DCAF17: variants seen among roughly 807,000 people sequenced by gnomAD.
DCAF17 encodes DDB1- and CUL4-associated factor 17.
DCAF17 carries 48 observed loss-of-function variants against 66.0 expected under a neutral mutation model. The ratio of observed to expected loss-of-function variants is 0.73; its 90% CI spans 0.58 to 0.92. The LOEUF (loss-of-function observed/expected upper bound fraction) is 0.92. Ranked by LOEUF, DCAF17 falls within the 40% of genes least tolerant of loss-of-function variation. DCAF17 has a pLI of 0.00. For synonymous variants in DCAF17, 206 were observed against 214.6 expected (o/e 0.96, Z 0.35); for missense variants, 562 against 622.8 (o/e 0.90, Z 1.04).
At position 171,434,378 on chromosome 2, in the gene DCAF17, G is replaced by T. The variant is rs1255837479; in HGVS notation, c.-200G>T. The T allele has an allele frequency of 7.9e-6, 7 of 890,630 alleles. No homozygotes were observed. In the Admixed American group the frequency reaches 1.2e-4, roughly 15 times the overall value. 55.2% of individuals were successfully genotyped at this position (890,630 alleles called of 1,614,324 possible). ...GGAGTGCTTCTTCCCTTCTCTCCGC[G>T]CTCTGGCGGTGCAAGCGGCTCTGCT... is the stretch of plus-strand genomic sequence containing the variant. On this transcript the variant is annotated 5_prime_UTR_variant, in exon 1 of 14. Coordinates refer to ENST00000375255, the MANE Select transcript of DCAF17 (RefSeq NM_025000.4).
intron 6 of DCAF17, among the ~76,000 whole-genome samples, chr2:171,453,948 G>A (rs894869771): frequency 6.6e-6 from 1 of 152,082 alleles, no homozygotes; most frequent in South Asian, 2.1e-4. Context: ...CTGCATAATG[G>A]CTAAAGAGTA....
At chr2:171,436,665 A>T in intron 2 of DCAF17, among the ~76,000 whole-genome samples, 2 of 150,342 alleles carry the variant, frequency 1.3e-5, no homozygotes. Context: ...AAATCCTTAC[A>T]TATTTTAGAT....
chr2:171,478,339 TTTGTA>T (rs1464918467), intron 12 of DCAF17, among the ~76,000 whole-genome samples: 1 of 152,200 alleles, frequency 6.6e-6, no homozygotes, highest in African/African-American at 2.4e-5. Context: ...TTTGTTTTAT[TTTGTA>T]TTGTTTTGTT....
At chr2:171,477,949 G>A in intron 11 of DCAF17, 38 bp from the exon 12 acceptor site, 1 of 1,564,884 alleles carries the variant, frequency 6.4e-7, no homozygotes, top group Non-Finnish European at 8.8e-7. Flanking sequence ...GCATGTAATA[G>A]AACTTGTCAT....
intron 8 of DCAF17, among the ~76,000 whole-genome samples, chr2:171,459,294 A>G (rs1695443168): frequency 6.6e-6 from 1 of 152,170 alleles, no homozygotes; most frequent in African/African-American, 2.4e-5. Context: ...CCTGGGCAAC[A>G]AGAGCGAAAC....
intron 8 of DCAF17, among the ~76,000 whole-genome samples, chr2:171,466,576 C>T (rs1488123371): frequency 7.7e-6 from 1 of 130,566 alleles, no homozygotes; most frequent in African/African-American, 3.0e-5. Flanking sequence ...AATTTTTAGG[C>T]CTTTTTCATT....
At chr2:171,458,213 G>A in intron 7 of DCAF17, 138 bp downstream of exon 7, 1 of 1,038,158 alleles carries the variant, frequency 9.6e-7, no homozygotes, top group Non-Finnish European at 1.5e-6. Flanking sequence ...AAATGTAGAA[G>A]ACAAGTAACC....
chr2:171,480,497 A>G (rs1696692664), intron 13 of DCAF17, among the ~76,000 whole-genome samples: 1 of 152,192 alleles, frequency 6.6e-6, no homozygotes. Context: ...ATTTTTTAAA[A>G]TAAGAGAATA....
intron 1 of DCAF17, 175 bp from the exon 2 acceptor site, chr2:171,434,908 A>G: frequency 9.7e-7 from 1 of 1,032,166 alleles, no homozygotes; most frequent in South Asian, 1.7e-5. Context: ...TCTTACCTGG[A>G]AACAATTATT....
Position 171,484,844 on chromosome 2 carries a change from A to C in DCAF17, c.*3730A>C, listed in dbSNP as rs1332256313. The C allele has an allele frequency of 4.4e-6, 2 of 453,944 alleles. No homozygotes were observed. Among genetic ancestry groups the C allele is most frequent in the Admixed American group, 2.3e-5 (1 of 42,554 alleles). 28.1% of individuals were successfully genotyped at this position (453,944 alleles called of 1,614,324 possible). On this transcript the variant is annotated 3_prime_UTR_variant, in exon 14 of 14. Coordinates refer to ENST00000375255, the MANE Select transcript of DCAF17 (RefSeq NM_025000.4). Reference sequence around the variant, plus strand: ...ACTTCATATGAGTGAAATTATACAAAATGTAATGCTTCTTTCACTTAGCAT... The same window carrying C: ...ACTTCATATGAGTGAAATTATACAACATGTAATGCTTCTTTCACTTAGCAT...
rs114097492 is a variant in DCAF17 at position 171,447,322 on chromosome 2, A to C, written c.322-1359A>C. 1,471 of 292,386 alleles carry C rather than the reference A, an allele frequency of 5.0e-3. 24 individuals are homozygous for C. The highest frequency in any genetic ancestry group is 0.032 in the African/African-American group (1,362 of 42,852). The allele number at this position is 292,386 out of a possible 1,614,324, so 18.1% of individuals were successfully genotyped here. ...TTCTTTTCTATTCACTTTTTGGCCT[A>C]AGCAGATACTAGATTAATTTCAGCC... On this transcript the variant is annotated intron_variant, in intron 3 of 13. Transcript: ENST00000375255.
At chr2:171,449,421 A>T (rs1315519961) in intron 4 of DCAF17, among the ~76,000 whole-genome samples, 2 of 152,206 alleles carry the variant, frequency 1.3e-5, no homozygotes, top group Non-Finnish European at 2.9e-5. Flanking sequence ...GATGCTCTTT[A>T]TGGTAGATTT....
At chr2:171,438,047 G>C (rs1694070342) in intron 2 of DCAF17, among the ~76,000 whole-genome samples, 1 of 152,176 alleles carries the variant, frequency 6.6e-6, no homozygotes. Flanking sequence ...CACAAATGTT[G>C]ATACGTTGTA....
rs567899805 is a variant in DCAF17 at position 171,473,789 on chromosome 2, C to T, written c.982-77C>T. The T allele has an allele frequency of 1.2e-5, 14 of 1,164,820 alleles. 2 individuals are homozygous for T. In the South Asian group the frequency reaches 1.8e-4, roughly 15 times the overall value. 72.2% of individuals were successfully genotyped at this position (1,164,820 alleles called of 1,614,324 possible). A position where few individuals can be genotyped will look rare whatever the true frequency, so the allele number is the denominator to read the frequency against. ...TTCCGTGTACCTTTGACCTACTGAT[C>T]TATCACTTGGGTTAGATTTGTAAAA... On this transcript the variant is annotated intron_variant, in intron 9 of 13. Transcript: ENST00000375255.
chr2:171,455,835 T>A (rs1162238616), intron 6 of DCAF17, among the ~76,000 whole-genome samples: 1 of 152,206 alleles, frequency 6.6e-6, no homozygotes, highest in Non-Finnish European at 1.5e-5. Context: ...TCTGTTCATG[T>A]CCTTTGCCCA....
In DCAF17 at chr2:171,483,061, T is replaced by A. The variant is rs1211460075; in HGVS notation, c.*1947T>A. ...ACAGTATGTGGGAATGTAGGCTGCA[T>A]GGTTGTTAACAAGATAGATGGTAAA... On this transcript the variant is annotated 3_prime_UTR_variant, in exon 14 of 14. Coordinates refer to ENST00000375255, the MANE Select transcript of DCAF17 (RefSeq NM_025000.4). 2.2e-6 allele frequency: 1 copy of A among 453,986 alleles called. No individual in the cohort carries two copies. Among genetic ancestry groups the A allele is most frequent in the Non-Finnish European group, 4.4e-6 (1 of 226,800 alleles). 28.1% of individuals were successfully genotyped at this position (453,986 alleles called of 1,614,324 possible).
intron 2 of DCAF17, among the ~76,000 whole-genome samples, chr2:171,437,429 A>G (rs1044292432): frequency 5.3e-5 from 8 of 152,214 alleles, no homozygotes; most frequent in Admixed American, 5.2e-4. Flanking sequence ...CGGACGTTCA[A>G]GTCTGTTCCA....
chr2:171,441,998 T>C (rs1233494654), intron 2 of DCAF17, among the ~76,000 whole-genome samples: 4 of 152,122 alleles, frequency 2.6e-5, no homozygotes, highest in Non-Finnish European at 4.4e-5. Flanking sequence ...GTCAAGTTTA[T>C]AACTTCCTGC....
At chr2:171,475,424 A>T (rs72882349) in intron 10 of DCAF17, among the ~76,000 whole-genome samples, 6,559 of 152,238 alleles carry the variant, frequency 0.043, 239 homozygotes, top group Non-Finnish European at 0.06. Context: ...TAACCCCAGC[A>T]CTAAGCATAG....
Sources: gnomAD v4.1 joint callset for allele counts (sites outside exome capture counted in the v4.1 genomes callset) on GRCh38, gnomAD v4.1.1 for gene constraint, MANE v1.5 for transcripts, NCBI Gene and HGNC (gene_info 2026-07-23, HGNC 2026-07-21) for gene names.